The following AKAP9 variants were observed in gnomAD, a reference collection of about 807,000 sequenced individuals.
The protein encoded by AKAP9 is A-kinase anchor protein 9.
Under a neutral mutation model 488.5 loss-of-function variants are expected in AKAP9, and 311 were observed. The observed-to-expected ratio is 0.64, with a 90% CI of 0.58 to 0.70. The LOEUF is 0.70. Ranked by LOEUF, AKAP9 falls within the 30% of genes least tolerant of loss-of-function variation. The pLI is 0.00. For missense variants in AKAP9, 4,215 were observed against 4,374.5 expected (o/e 0.96, Z 1.03); for synonymous variants, 1,462 against 1,483.5 (o/e 0.99, Z 0.33).
chr7:92,002,317 A>G lies in AKAP9; in HGVS notation c.2400A>G (p.Glu800=), dbSNP rs2130668176. ...AAATACATACTCCTGTTAGCCAAGAAGAAAGATTGATTTTCTTAGACTCCA... is the reference window on the plus strand; with the variant it reads ...AAATACATACTCCTGTTAGCCAAGAGGAAAGATTGATTTTCTTAGACTCCA... ...MLKIHTPVSQ[E]ERLIFLDSIK... is the part of the protein sequence containing the mutation. Residue 800 remains glutamate (E), a synonymous_variant, in exon 8 of 50, where the codon GAA becomes GAG. Coordinates refer to ENST00000356239, the MANE Select transcript of AKAP9 (RefSeq NM_005751.5). The G allele has an allele frequency of 6.2e-7, 1 of 1,613,004 alleles. No individual in the cohort carries two copies. Among genetic ancestry groups the G allele is most frequent in the African/African-American group, 1.3e-5 (1 of 75,026 alleles).
intron 14 of AKAP9, among the ~76,000 whole-genome samples, chr7:92,027,269 T>C (rs149208852): frequency 0.51 from 52,486 of 103,776 alleles, 11,017 homozygotes; most frequent in African/African-American, 0.58. Flanking sequence ...TGAGGAGCAC[T>C]TCTGCCCAGC....
At chr7:91,982,964 G>C (rs1796618572) in intron 3 of AKAP9, among the ~76,000 whole-genome samples, 1 of 151,984 alleles carries the variant, frequency 6.6e-6, no homozygotes, top group Non-Finnish European at 1.5e-5. Flanking sequence ...TCATGTGTCT[G>C]TTGGCTTCAT....
rs1252100987 is a variant in AKAP9, at chr7:92,094,070, C to T, written c.9578+754C>T. Among the ~76,000 whole-genome samples, 6 of 151,902 alleles carry T rather than the reference C, an allele frequency of 3.9e-5. No homozygotes were observed. In the East Asian group the frequency reaches 5.9e-4, roughly 15 times the overall value. ...TTCACCATGTTGACCATGCTGGTCT[C>T]GCACTCCTGACCTCAGGTGACCCAC... On this transcript the variant is annotated intron_variant, in intron 39 of 49. Coordinates refer to ENST00000356239, the MANE Select transcript of AKAP9 (RefSeq NM_005751.5).
chr7:91,954,861 A>G (rs1304896413), intron 1 of AKAP9, among the ~76,000 whole-genome samples: 1 of 152,208 alleles, frequency 6.6e-6, no homozygotes, highest in Non-Finnish European at 1.5e-5. Flanking sequence ...TGTGCCAGCT[A>G]CTTTACTTGG....
chr7:91,995,201 A>G (rs1002987645), intron 6 of AKAP9, among the ~76,000 whole-genome samples: 4 of 152,250 alleles, frequency 2.6e-5, no homozygotes, highest in Non-Finnish European at 5.9e-5. Flanking sequence ...GGCAAGTAGC[A>G]AAACAATTTG....
At chr7:92,052,560 A>G (rs1241194486) in intron 21 of AKAP9, among the ~76,000 whole-genome samples, 166 bp from the exon 22 acceptor site, 4 of 152,162 alleles carry the variant, frequency 2.6e-5, no homozygotes, top group Admixed American at 6.6e-5. Flanking sequence ...TGGTTATTGA[A>G]TAATATTATA....
chr7:92,083,645 GAAGT>G lies in AKAP9; in HGVS notation c.8639_8642del (p.Ser2880LysfsTer9). 6.2e-7 allele frequency: 1 copy of G among 1,610,912 alleles called. No individual in the cohort carries two copies. Among genetic ancestry groups the G allele is most frequent in the Non-Finnish European group, 8.5e-7 (1 of 1,179,302 alleles). On this transcript the variant is annotated frameshift_variant, in exon 33 of 50. Transcript: ENST00000356239. LOFTEE classifies it high-confidence loss of function. ...TTGAAGGCAGTGATACAGTGTCTGA[GAAGT>G]AAAGAGGTATTTGGTTTTTATAATA...
chr7:91,954,017 A>C (rs1792625050), intron 1 of AKAP9, among the ~76,000 whole-genome samples: 1 of 152,180 alleles, frequency 6.6e-6, no homozygotes, highest in African/African-American at 2.4e-5. Context: ...AAAACTCGTT[A>C]AGCGAAGGAG....
intron 4 of AKAP9, among the ~76,000 whole-genome samples, 176 bp downstream of exon 4, chr7:91,992,387 G>A (rs1296563609): frequency 6.6e-6 from 1 of 152,198 alleles, no homozygotes; most frequent in Non-Finnish European, 1.5e-5. Context: ...TTGTAGGCCA[G>A]GCGTGGTGGC....
intron 1 of AKAP9, among the ~76,000 whole-genome samples, chr7:91,963,301 A>G (rs2130520993): frequency 6.6e-6 from 1 of 152,282 alleles, no homozygotes; most frequent in East Asian, 1.9e-4. Context: ...TAGTTGCTGA[A>G]TAACTGGGAA....
intron 43 of AKAP9, among the ~76,000 whole-genome samples, chr7:92,098,995 C>T (rs1817101261): frequency 6.6e-6 from 1 of 152,280 alleles, no homozygotes; most frequent in South Asian, 2.1e-4. Flanking sequence ...ATAGTGACCC[C>T]TTAGGAACCT....
intron 21 of AKAP9, among the ~76,000 whole-genome samples, chr7:92,050,384 C>T (rs1407023979): frequency 3.9e-5 from 6 of 152,172 alleles, no homozygotes; most frequent in South Asian, 2.1e-4. Flanking sequence ...CATGAGCCAC[C>T]GTGCCCAGCT....
rs150502686 is a variant in AKAP9 at position 92,105,223 on chromosome 7, C to G, written c.11331-455C>G. ...AAACCAACGTTTTTTTGTCCCTGAT[C>G]AAAGGGACAAGAGCTTCACCCACCT... On this transcript the variant is annotated intron_variant, in intron 46 of 49. Transcript: ENST00000356239. Among the ~76,000 whole-genome samples the G allele has an allele frequency of 2.1e-3, 325 of 152,270 alleles. 4 individuals are homozygous for G. Among genetic ancestry groups the G allele is most frequent in the African/African-American group, 7.3e-3 (303 of 41,552 alleles).
At chr7:91,986,840 A>G (rs1797151182) in intron 3 of AKAP9, among the ~76,000 whole-genome samples, 3 of 152,018 alleles carry the variant, frequency 2.0e-5, no homozygotes. Flanking sequence ...CTTGTTGACC[A>G]TAGCTCATGG....
chr7:91,954,961 T>C (rs536971631), intron 1 of AKAP9, among the ~76,000 whole-genome samples: 1 of 152,254 alleles, frequency 6.6e-6, no homozygotes, highest in Non-Finnish European at 1.5e-5. Flanking sequence ...GTCTGTAACA[T>C]GTTTAATAGG....
chr7:92,082,868 G>A (rs1813827113), intron 32 of AKAP9, among the ~76,000 whole-genome samples: 1 of 152,080 alleles, frequency 6.6e-6, no homozygotes, highest in Non-Finnish European at 1.5e-5. Flanking sequence ...TTCTTAGGAG[G>A]ATACTTTTTA....
intron 26 of AKAP9, among the ~76,000 whole-genome samples, chr7:92,069,784 T>C (rs1229441277): frequency 6.6e-6 from 1 of 152,118 alleles, no homozygotes; most frequent in Non-Finnish European, 1.5e-5. Flanking sequence ...AGGAGGCTGA[T>C]GCAGGAGAAT....
intron 1 of AKAP9, among the ~76,000 whole-genome samples, chr7:91,958,767 A>G (rs1389541680): frequency 2.0e-5 from 3 of 152,170 alleles, no homozygotes; most frequent in Non-Finnish European, 2.9e-5. Context: ...TCTTCTATGC[A>G]TAAGTAAAAC....
intron 21 of AKAP9, among the ~76,000 whole-genome samples, chr7:92,045,974 C>G (rs2130791980): frequency 6.6e-6 from 1 of 151,856 alleles, no homozygotes; most frequent in South Asian, 2.1e-4. Flanking sequence ...GCTGGGACTA[C>G]AGGTGCATGC....
Sources: allele counts gnomAD v4.1 joint callset (sites outside exome capture counted in the v4.1 genomes callset), GRCh38; gene constraint gnomAD v4.1.1; transcripts MANE v1.5; gene names NCBI Gene and HGNC (gene_info 2026-07-23, HGNC 2026-07-21).